MUSK: variants seen among roughly 807,000 people sequenced by gnomAD.
MUSK encodes muscle associated receptor tyrosine kinase.
In MUSK, 55 loss-of-function variants were observed where a neutral mutation model predicts 88.7. The observed-to-expected ratio is 0.62, with a 90% CI of 0.50 to 0.78. The LOEUF (loss-of-function observed/expected upper bound fraction) is 0.78, where lower values mean the gene tolerates loss of function less well. Among genes scored for constraint, MUSK ranks in the 30% least tolerant of loss-of-function variants. MUSK has a pLI of 0.00. For missense variants in MUSK, 1,015 were observed against 1,074.3 expected (o/e 0.94, Z 0.77); for synonymous variants, 387 against 391.9 (o/e 0.99, Z 0.15).
At position 110,690,539 on chromosome 9, in the gene MUSK, T is replaced by A. The variant is rs370288586; in HGVS notation, c.358+3271T>A. 8.3e-3 allele frequency among the ~76,000 whole-genome samples: 212 copies of A among 25,446 alleles called. 2 individuals carry two copies. The highest frequency in any genetic ancestry group is 9.5e-3 in the Non-Finnish European group (144 of 15,154). 16.7% of individuals were successfully genotyped at this position (25,446 alleles called of 152,430 possible). A position where few individuals can be genotyped will look rare whatever the true frequency, so the allele number is the denominator to read the frequency against. On this transcript the variant is annotated intron_variant, in intron 3 of 14. Transcript: ENST00000374448. ...ATATATTTAAATATAAGTATATATA[T>A]AAATATATATTTAAATATAAGTATA... is the stretch of plus-strand genomic sequence containing the variant.
intron 11 of MUSK, among the ~76,000 whole-genome samples, chr9:110,779,409 A>G (rs543359788): frequency 2.6e-5 from 4 of 152,162 alleles, no homozygotes; most frequent in Non-Finnish European, 5.9e-5. Context: ...TATAATCTGT[A>G]TGATAGTCCT....
In MUSK at chr9:110,681,001, T is replaced by TTA. The variant is rs1184902283; in HGVS notation, c.80-1669_80-1668dup. On this transcript the variant is annotated intron_variant, in intron 1 of 14. Transcript: ENST00000374448. ...TATATATAATGATCCTTATAATATA[T>TTA]TATATTATATATAATATATATTATA... Among the ~76,000 whole-genome samples the TTA allele has an allele frequency of 2.2e-4, 13 of 58,622 alleles. 1 individual carries two copies. The highest frequency in any genetic ancestry group is 1.2e-3 in the African/African-American group (13 of 10,988). 38.5% of individuals were successfully genotyped at this position (58,622 alleles called of 152,430 possible). A position where few individuals can be genotyped will look rare whatever the true frequency, so the allele number is the denominator to read the frequency against.
chr9:110,714,263 C>T (rs2076715908), intron 5 of MUSK, among the ~76,000 whole-genome samples: 2 of 152,116 alleles, frequency 1.3e-5, no homozygotes, highest in Admixed American at 1.3e-4. Context: ...TTGTGTAGCT[C>T]TTGTCTGATT....
chr9:110,669,971 AG>A (rs2075936458), intron 1 of MUSK, among the ~76,000 whole-genome samples: 1 of 151,840 alleles, frequency 6.6e-6, no homozygotes, highest in African/African-American at 2.4e-5. Context: ...AGATAAATGA[AG>A]GTGGTATCTG....
chr9:110,692,879 G>A (rs755246510), intron 3 of MUSK, among the ~76,000 whole-genome samples: 1 of 151,180 alleles, frequency 6.6e-6, no homozygotes, highest in Non-Finnish European at 1.5e-5. Context: ...TTTTGTTTGG[G>A]TTCCATCCTT....
chr9:110,671,001 C>T (rs889745633), intron 1 of MUSK, among the ~76,000 whole-genome samples: 1 of 152,050 alleles, frequency 6.6e-6, no homozygotes. Flanking sequence ...GAGACAGAGT[C>T]TCGTTCTGTT....
At chr9:110,720,815 T>C (rs2076801762) in intron 5 of MUSK, among the ~76,000 whole-genome samples, 1 of 152,056 alleles carries the variant, frequency 6.6e-6, no homozygotes, top group Admixed American at 6.6e-5. Context: ...CCAATACACC[T>C]GATGAACACA....
intron 8 of MUSK, among the ~76,000 whole-genome samples, chr9:110,763,088 AAC>A (rs1423567817): frequency 1.7e-4 from 26 of 152,334 alleles, no homozygotes; most frequent in South Asian, 1.0e-3. Flanking sequence ...CAATAAAAAA[AAC>A]AGTTTTTTTT....
Position 110,733,550 on chromosome 9 carries a change from GCCTACA to G in MUSK, c.629-699_629-694del, listed in dbSNP as rs541762363. Among the ~76,000 whole-genome samples the G allele has an allele frequency of 1.7e-4, 26 of 151,670 alleles. No homozygotes were observed. The East Asian group carries it at 4.7e-3, about 27-fold the overall frequency. On this transcript the variant is annotated intron_variant, in intron 5 of 14. Coordinates refer to ENST00000374448, the MANE Select transcript of MUSK (RefSeq NM_005592.4). ...AGGAATAGAAATTACTCATTCTGCT[GCCTACA>G]CTTTATCTAAAATATCCTTTTTTTT...
At chr9:110,775,541 T>G in intron 9 of MUSK, 2 of 497,366 alleles carry the variant, frequency 4.0e-6, no homozygotes, top group Admixed American at 6.6e-5. Context: ...TTTGACGTTT[T>G]TTTCCCTTAG....
intron 11 of MUSK, among the ~76,000 whole-genome samples, chr9:110,777,587 T>G (rs1419673522): frequency 6.6e-6 from 1 of 152,144 alleles, no homozygotes; most frequent in Non-Finnish European, 1.5e-5. Flanking sequence ...TTTCAATTCT[T>G]TGTTATATGA....
At chr9:110,685,937 G>C (rs2076190058) in intron 2 of MUSK, among the ~76,000 whole-genome samples, 1 of 152,036 alleles carries the variant, frequency 6.6e-6, no homozygotes, top group African/African-American at 2.4e-5. Context: ...TGTTGCAGCA[G>C]CACCACACTT....
At chr9:110,785,945 T>C (rs1387304714) in intron 13 of MUSK, among the ~76,000 whole-genome samples, 1 of 148,896 alleles carries the variant, frequency 6.7e-6, no homozygotes, top group Non-Finnish European at 1.5e-5. Context: ...TATACAGTAT[T>C]ATATAGTATT....
At chr9:110,685,831 T>G (rs980190204) in intron 2 of MUSK, among the ~76,000 whole-genome samples, 4 of 152,276 alleles carry the variant, frequency 2.6e-5, no homozygotes, top group East Asian at 1.9e-4. Context: ...AACAGTCTCT[T>G]TGAGGAAATA....
At chr9:110,715,474 C>T (rs1587945292) in intron 5 of MUSK, among the ~76,000 whole-genome samples, 1 of 148,646 alleles carries the variant, frequency 6.7e-6, no homozygotes, top group Non-Finnish European at 1.5e-5. Context: ...AGGAAAGTAT[C>T]CTACTACTAA....
intron 6 of MUSK, among the ~76,000 whole-genome samples, chr9:110,741,992 T>C (rs1320034760): frequency 6.6e-6 from 1 of 152,172 alleles, no homozygotes; most frequent in Non-Finnish European, 1.5e-5. Flanking sequence ...TGTTCTCTAA[T>C]TTTGTCCAGT....
intron 5 of MUSK, among the ~76,000 whole-genome samples, chr9:110,716,318 T>C (rs1486147544): frequency 2.0e-5 from 3 of 150,038 alleles, no homozygotes; most frequent in Non-Finnish European, 4.4e-5. Context: ...CTCTTTTTGA[T>C]ACACACTTCT....
chr9:110,751,170 T>G (rs1226114091), intron 7 of MUSK, among the ~76,000 whole-genome samples: 1 of 152,202 alleles, frequency 6.6e-6, no homozygotes, highest in East Asian at 1.9e-4. Context: ...CTACAGGGCA[T>G]GATTGCCACC....
chr9:110,730,254 A>G (rs2076946061), intron 5 of MUSK, among the ~76,000 whole-genome samples: 1 of 152,034 alleles, frequency 6.6e-6, no homozygotes, highest in Non-Finnish European at 1.5e-5. Flanking sequence ...CCCACAGGAA[A>G]CCAAGTGGTT....
Sources: gnomAD v4.1 joint callset for allele counts (sites outside exome capture counted in the v4.1 genomes callset) on GRCh38, gnomAD v4.1.1 for gene constraint, MANE v1.5 for transcripts, NCBI Gene and HGNC (gene_info 2026-07-23, HGNC 2026-07-21) for gene names.